Variants in OXR1 observed in about 807,000 individuals in gnomAD.
OXR1 encodes oxidation resistance protein 1.
In OXR1, 41 loss-of-function variants were observed where a neutral mutation model predicts 104.6. That is an observed-to-expected ratio of 0.39 (90% CI 0.31 to 0.51). The LOEUF is 0.51. OXR1 is among the 20% of genes least tolerant of loss of function. The pLI, the probability that OXR1 is intolerant of heterozygous loss-of-function variation, is 0.77. For synonymous variants in OXR1, 348 were observed against 348.4 expected (o/e 1.00, Z 0.01); for missense variants, 955 against 1,031.9 (o/e 0.93, Z 1.02).
intron 3 of OXR1, among the ~76,000 whole-genome samples, chr8:106,658,473 C>T (rs1267783107): frequency 2.6e-5 from 4 of 152,182 alleles, no homozygotes; most frequent in Non-Finnish European, 5.9e-5. Context: ...TTCAAGGGGA[C>T]GATCCATTCT....
At chr8:106,532,131 A>G (rs1032100269) in intron 3 of OXR1, among the ~76,000 whole-genome samples, 29 of 152,236 alleles carry the variant, frequency 1.9e-4, no homozygotes, top group Non-Finnish European at 4.0e-4. Context: ...GTGCTACACC[A>G]TGGAATTTGG....
chr8:106,722,514 C>G (rs545107832), intron 11 of OXR1, among the ~76,000 whole-genome samples: 65 of 152,196 alleles, frequency 4.3e-4, no homozygotes, highest in South Asian at 2.3e-3. Context: ...GGTTGGTCCC[C>G]TGAGATTATA....
intron 3 of OXR1, among the ~76,000 whole-genome samples, chr8:106,622,981 T>C (rs1821849729): frequency 6.6e-6 from 1 of 152,170 alleles, no homozygotes; most frequent in Admixed American, 6.5e-5. Context: ...ATTTTACAGA[T>C]GAGGAAGTTA....
intron 3 of OXR1, among the ~76,000 whole-genome samples, chr8:106,551,860 ATGTGTGTGTGTGTG>A (rs71307068): frequency 1.6e-4 from 20 of 126,574 alleles, no homozygotes; most frequent in African/African-American, 5.1e-4. Flanking sequence ...GTGTATATAT[ATGTGTGTGTGTGTG>A]TGTGTGTGTG....
chr8:106,372,909 A>T (rs1816766406), intron 2 of OXR1, among the ~76,000 whole-genome samples: 1 of 152,216 alleles, frequency 6.6e-6, no homozygotes, highest in Admixed American at 6.5e-5. Flanking sequence ...GTTTTTATAA[A>T]TTGTGGAAAT....
Position 106,683,231 on chromosome 8 carries a change from C to T in OXR1, c.336C>T (p.Ala112=), listed in dbSNP as rs1382418977. The T allele has an allele frequency of 1.8e-5, 29 of 1,598,290 alleles. No homozygotes were observed. The highest frequency in any genetic ancestry group is 2.5e-5 in the Non-Finnish European group (29 of 1,166,808). ...CAAGGGATTCTTTGAATAGCATAGC[C>T]CTGAAGTTTGATACAACACCTAACG... ...VESRDSLNSI[A]LKFDTTPNEL... is the part of the protein sequence containing the mutation. The change falls in exon 5 of 17, where the codon GCC becomes GCT. Residue 112 remains alanine, a synonymous_variant. Coordinates refer to ENST00000517566, the MANE Select transcript of OXR1 (RefSeq NM_001198533.2).
intron 2 of OXR1, among the ~76,000 whole-genome samples, chr8:106,501,795 G>T (rs1164916272): frequency 6.6e-6 from 1 of 152,040 alleles, no homozygotes; most frequent in Admixed American, 6.6e-5. Flanking sequence ...CCACATGGAG[G>T]TTATTTTGAA....
At chr8:106,429,382 G>A (rs757958714) in intron 2 of OXR1, among the ~76,000 whole-genome samples, 3 of 152,158 alleles carry the variant, frequency 2.0e-5, no homozygotes, top group South Asian at 4.2e-4. Context: ...ACTTTAGGCC[G>A]GGCATAGTGG....
At chr8:106,658,196 C>T (rs375464002) in intron 3 of OXR1, 1 of 1,237,174 alleles carries the variant, frequency 8.1e-7, no homozygotes, top group Admixed American at 4.2e-5. Flanking sequence ...GTGAGCCCAC[C>T]TTTCTTTCGC....
chr8:106,563,301 A>T, intron 3 of OXR1, among the ~76,000 whole-genome samples: 1 of 143,596 alleles, frequency 7.0e-6, no homozygotes, highest in Non-Finnish European at 1.5e-5. Context: ...GAAAGCAAAA[A>T]AAAAAAAAAA....
intron 3 of OXR1, among the ~76,000 whole-genome samples, chr8:106,617,249 C>T (rs759252735): frequency 6.6e-6 from 1 of 152,200 alleles, no homozygotes; most frequent in East Asian, 1.9e-4. Context: ...ATAATGAAAC[C>T]CCATCTCTAC....
chr8:106,622,772 T>C (rs1308927942), intron 3 of OXR1, among the ~76,000 whole-genome samples: 2 of 152,194 alleles, frequency 1.3e-5, no homozygotes, highest in East Asian at 3.8e-4. Flanking sequence ...CTTTTTTTCT[T>C]TTTCTCCTTA....
At position 106,389,580 on chromosome 8, in the gene OXR1, AT is replaced by A. The variant is rs1010538946; in HGVS notation, c.23+29948del. ...GACTTGTGAGAAGCTGATCATACCC[AT>A]TTTCCCAGTTAGTTTTTAAAGTAGA... On this transcript the variant is annotated intron_variant, in intron 2 of 16. Coordinates refer to ENST00000517566, the MANE Select transcript of OXR1 (RefSeq NM_001198533.2). 7.2e-5 allele frequency among the ~76,000 whole-genome samples: 11 copies of A among 152,148 alleles called. 1 individual carries two copies. The highest frequency in any genetic ancestry group is 6.6e-4 in the Admixed American group (10 of 15,266).
At chr8:106,270,707 G>C (rs1238595935) in intron 1 of OXR1, among the ~76,000 whole-genome samples, 1 of 152,100 alleles carries the variant, frequency 6.6e-6, no homozygotes, top group African/African-American at 2.4e-5. Context: ...GCCCGGCCAG[G>C]GACAGCCGCA....
intron 1 of OXR1, among the ~76,000 whole-genome samples, chr8:106,270,727 T>G (rs2130453566): frequency 6.6e-6 from 1 of 150,432 alleles, no homozygotes; most frequent in Non-Finnish European, 1.5e-5. Context: ...AGAAGGAAAG[T>G]GGGGGTGTCG....
At chr8:106,293,495 T>C (rs1812843577) in intron 1 of OXR1, among the ~76,000 whole-genome samples, 1 of 152,244 alleles carries the variant, frequency 6.6e-6, no homozygotes, top group African/African-American at 2.4e-5. Flanking sequence ...TACTTGGAAC[T>C]GCACACAGAT....
intron 2 of OXR1, chr8:106,447,798 G>A: frequency 2.1e-6 from 2 of 952,684 alleles, no homozygotes; most frequent in South Asian, 2.2e-5. Context: ...CACACCGAAC[G>A]GCATATTCTT....
At chr8:106,330,653 A>G (rs546241445) in intron 1 of OXR1, among the ~76,000 whole-genome samples, 54 of 152,326 alleles carry the variant, frequency 3.5e-4, no homozygotes, top group African/African-American at 1.3e-3. Flanking sequence ...CTTCTAGATT[A>G]TGACTTGTCT....
chr8:106,615,757 C>A (rs971300861), intron 3 of OXR1, among the ~76,000 whole-genome samples: 1 of 152,180 alleles, frequency 6.6e-6, no homozygotes, highest in African/African-American at 2.4e-5. Context: ...CTTATGCTCA[C>A]CTTATAAAGC....
Sources: gnomAD v4.1 joint callset for allele counts (sites outside exome capture counted in the v4.1 genomes callset) on GRCh38, gnomAD v4.1.1 for gene constraint, MANE v1.5 for transcripts, NCBI Gene and HGNC (gene_info 2026-07-23, HGNC 2026-07-21) for gene names.